ZNF430: variants seen among roughly 807,000 people sequenced by gnomAD.
The protein encoded by ZNF430 is zinc finger protein 430.
A neutral mutation model predicts 56.7 loss-of-function variants in ZNF430; 35 were observed. The ratio of observed to expected loss-of-function variants is 0.62; its 90% confidence interval spans 0.47 to 0.82. The LOEUF is 0.82. ZNF430 is among the 40% of genes least tolerant of loss of function. The pLI, the probability that ZNF430 is intolerant of heterozygous loss-of-function variation, is 0.00. For missense variants in ZNF430, 574 were observed against 661.0 expected, an observed-to-expected ratio of 0.87 and a Z score of 1.44; for synonymous variants, 212 against 224.3, an observed-to-expected ratio of 0.94 and a Z score of 0.49.
Position 21,056,957 on chromosome 19 carries a change from C to A in ZNF430, c.649C>A (p.Leu217Ile), listed in dbSNP as rs1214824233. The A allele has an allele frequency of 1.2e-6, 2 of 1,613,872 alleles. No individual in the cohort carries two copies. The highest frequency in any genetic ancestry group is 1.7e-6 in the Non-Finnish European group (2 of 1,179,874). The change falls in exon 5 of 5, where the codon CTT (leucine) becomes ATT (isoleucine). Residue 217 changes from leucine (L) to isoleucine (I), a missense_variant. By Grantham distance (5) the Leu-to-Ile change is conservative. Around this residue, in one of 3 missense-constraint regions of ZNF430, gnomAD observed 346 missense variants for 399.1 expected, o/e 0.87. Transcript: ENST00000261560. ...AAAATGTGACAAATCGTTTTGCATG[C>A]TTTTACACCTAACTCAACATAAAAG... ...CKKCDKSFCM[L>I]LHLTQHKRIH...
chr19:21,039,334 A>G (rs969404745), intron 4 of ZNF430, among the ~76,000 whole-genome samples: 1 of 145,162 alleles, frequency 6.9e-6, no homozygotes, highest in Non-Finnish European at 1.5e-5. Context: ...GACTCAAGCA[A>G]TTTTCTTGCC....
chr19:21,053,197 G>T (rs562554660), intron 4 of ZNF430, among the ~76,000 whole-genome samples: 1 of 151,960 alleles, frequency 6.6e-6, no homozygotes, highest in Non-Finnish European at 1.5e-5. Context: ...GGTGGAGGGG[G>T]TGTGGTTGCG....
intron 4 of ZNF430, among the ~76,000 whole-genome samples, chr19:21,052,925 A>G (rs957307002): frequency 6.6e-6 from 1 of 152,122 alleles, no homozygotes; most frequent in Non-Finnish European, 1.5e-5. Flanking sequence ...ACAAACAATT[A>G]TCTCTTAGTG....
chr19:21,034,305 G>GT (rs970607370), intron 4 of ZNF430, 121 bp downstream of exon 4: 41,117 of 610,842 alleles, frequency 0.067, no homozygotes, highest in East Asian at 0.088. Context: ...GGAAGCCTGA[G>GT]TTTTTTTTTT....
intron 4 of ZNF430, among the ~76,000 whole-genome samples, chr19:21,043,902 G>A (rs1302350889): frequency 6.6e-6 from 1 of 151,330 alleles, no homozygotes. Context: ...CTTGTTTACT[G>A]TTAATGTATT....
intron 2 of ZNF430, among the ~76,000 whole-genome samples, chr19:21,023,681 G>A (rs1030426979): frequency 7.8e-4 from 118 of 152,218 alleles, no homozygotes; most frequent in African/African-American, 2.8e-3. Context: ...AGAAAATGTG[G>A]TAGATAATTG....
rs193298483 is a variant in ZNF430, at chr19:21,030,219, A to G, written c.97-3237A>G. Among the ~76,000 whole-genome samples the G allele has an allele frequency of 8.5e-5, 13 of 152,310 alleles. 1 individual carries two copies. The highest frequency in any genetic ancestry group is 6.5e-4 in the Admixed American group (10 of 15,294). On this transcript the variant is annotated intron_variant, in intron 2 of 4. Coordinates refer to ENST00000261560, the MANE Select transcript of ZNF430 (RefSeq NM_025189.4). ...ATGTATACACAATAAAAATTTCTCT[A>G]AACTACATTAAACTTTTTCTATGTT...
At chr19:21,049,173 CAAAAAAAAAAA>C (rs746043747) in intron 4 of ZNF430, among the ~76,000 whole-genome samples, 7 of 65,270 alleles carry the variant, frequency 1.1e-4, no homozygotes, top group African/African-American at 4.7e-4. Context: ...GACTCCATCT[CAAAAAAAAAAA>C]AAAAAAAAAA....
At position 21,057,323 on chromosome 19, in the gene ZNF430, C is replaced by T. The variant is rs931202312; in HGVS notation, c.1015C>T (p.His339Tyr). The T allele has an allele frequency of 9.9e-6, 16 of 1,613,338 alleles. No individual in the cohort carries two copies. The highest frequency in any genetic ancestry group is 1.4e-5 in the Non-Finnish European group (16 of 1,179,978). Residue 339 changes from histidine to tyrosine, a missense_variant, in exon 5 of 5, where the codon CAT becomes TAT. By Grantham distance (83) the His-to-Tyr change is moderately conservative. Transcript: ENST00000261560. ...ACACCTTACTACACATAAGATTATT[C>T]ATACTGGAGAGAAACCCTACAAATG... ...SSHLTTHKIIHTGEKPYKCEE... is the reference protein window; with the variant it reads ...SSHLTTHKIIYTGEKPYKCEE...
chr19:21,055,441 T>C (rs1968357816), intron 4 of ZNF430, among the ~76,000 whole-genome samples: 1 of 150,100 alleles, frequency 6.7e-6, no homozygotes, highest in Non-Finnish European at 1.5e-5. Context: ...TTAGTTTTTT[T>C]TTTTGTTTGT....
rs1322632548 is a variant in ZNF430 at position 21,020,790 on chromosome 19, G to A, written c.-11G>A. ...ACAGCTAAGACGCCAGGAACCCCTG[G>A]AAGCCTAGAAATGGTGAGAGTGCCG... is the stretch of plus-strand genomic sequence containing the variant. On this transcript the variant is annotated 5_prime_UTR_variant, in exon 1 of 5. Coordinates refer to ENST00000261560, the MANE Select transcript of ZNF430 (RefSeq NM_025189.4). 1 of 1,613,906 alleles carries A rather than the reference G, an allele frequency of 6.2e-7. No individual in the cohort carries two copies. Among genetic ancestry groups the A allele is most frequent in the South Asian group, 1.1e-5 (1 of 91,080 alleles).
chr19:21,037,861 C>T (rs375383076), intron 4 of ZNF430, among the ~76,000 whole-genome samples: 24 of 152,044 alleles, frequency 1.6e-4, no homozygotes, highest in South Asian at 4.1e-4. Context: ...AATGCTTTTT[C>T]CATTTGTGTA....
chr19:21,056,763 T>G lies in ZNF430; in HGVS notation c.455T>G (p.Val152Gly). ...CAGTTAAGAACAGGCTGTAAAAGTG[T>G]GGATGAGTGTAATCTGCACAAAGAA... ...DLQLRTGCKS[V>G]DECNLHKECY... The change falls in exon 5 of 5, where the codon GTG becomes GGG. Residue 152 changes from valine (V) to glycine (G), a missense_variant. Val to Gly is a moderately radical substitution (Grantham distance 109). Coordinates refer to ENST00000261560, the MANE Select transcript of ZNF430 (RefSeq NM_025189.4). 4 of 1,613,868 alleles carry G rather than the reference T, an allele frequency of 2.5e-6. No homozygotes were observed. Among genetic ancestry groups the G allele is most frequent in the Non-Finnish European group, 3.4e-6 (4 of 1,179,904 alleles).
chr19:21,020,931 G>A, intron 1 of ZNF430, 128 bp downstream of exon 1: 1 of 1,349,406 alleles, frequency 7.4e-7, no homozygotes, highest in South Asian at 1.2e-5. Flanking sequence ...TTCTTGCCCA[G>A]CTGGGCCTCA....
chr19:21,042,761 C>T lies in ZNF430; in HGVS notation c.322+8577C>T, dbSNP rs1422323126. 2.6e-5 allele frequency among the ~76,000 whole-genome samples: 4 copies of T among 151,424 alleles called. No homozygotes were observed. In the East Asian group the frequency reaches 7.8e-4, roughly 29 times the overall value. On this transcript the variant is annotated intron_variant, in intron 4 of 4. Transcript: ENST00000261560. ...CGAGATCGCGCCACTGCACTCTAGCCTGGGCAAAGAGTGAGACTCCATCTA... is the reference window on the plus strand; with the variant it reads ...CGAGATCGCGCCACTGCACTCTAGCTTGGGCAAAGAGTGAGACTCCATCTA...
In ZNF430 at chr19:21,039,734, G is replaced by T. The variant is rs567177827; in HGVS notation, c.322+5550G>T. Among the ~76,000 whole-genome samples the T allele has an allele frequency of 9.2e-5, 14 of 152,114 alleles. No individual in the cohort carries two copies. The East Asian group carries it at 2.5e-3, about 27-fold the overall frequency. Reference sequence around the variant, plus strand: ...ACCCACCTTGGCCTCCCAAAGTGCTGGCATTACAGGTGTGAGCCACCGCAC... The same window carrying T: ...ACCCACCTTGGCCTCCCAAAGTGCTTGCATTACAGGTGTGAGCCACCGCAC... On this transcript the variant is annotated intron_variant, in intron 4 of 4. Transcript: ENST00000261560.
At position 21,056,628 on chromosome 19, in the gene ZNF430, C is replaced by T. The variant is rs1402411420; in HGVS notation, c.323-3C>T. On this transcript the variant is annotated splice_polypyrimidine_tract_variant and splice_region_variant and intron_variant, in intron 4 of 4. Coordinates refer to ENST00000261560, the MANE Select transcript of ZNF430 (RefSeq NM_025189.4). ...AGTAATTTGTTATTTTTATTTCTTT[C>T]AGTTACATATTCTCATTTTGCCCAA... The T allele has an allele frequency of 4.0e-6, 6 of 1,494,790 alleles. No individual in the cohort carries two copies. Among genetic ancestry groups the T allele is most frequent in the Middle Eastern group, 1.8e-4 (1 of 5,602 alleles). 92.6% of individuals were successfully genotyped at this position (1,494,790 alleles called of 1,614,324 possible).
intron 4 of ZNF430, among the ~76,000 whole-genome samples, chr19:21,046,554 C>T (rs1347000029): frequency 6.6e-6 from 1 of 151,998 alleles, no homozygotes; most frequent in South Asian, 2.1e-4. Flanking sequence ...ATTCCTTCAG[C>T]GTTTACTTGT....
Position 21,039,447 on chromosome 19 carries a change from C to CTATTTATTTATTTATTTATT in ZNF430, c.322+5277_322+5296dup, listed in dbSNP as rs71174789. ...ATTGGATTTAACAGTTTTACTTTTG[C>CTATTTATTTATTTATTTATT]TATTTATTTATTTATTTATTTATTT... On this transcript the variant is annotated intron_variant, in intron 4 of 4. Transcript: ENST00000261560. 3.6e-3 allele frequency among the ~76,000 whole-genome samples: 462 copies of CTATTTATTTATTTATTTATT among 129,060 alleles called. 2 individuals are homozygous for CTATTTATTTATTTATTTATT. The highest frequency in any genetic ancestry group is 3.8e-3 in the Non-Finnish European group (240 of 62,876). 84.7% of individuals were successfully genotyped at this position (129,060 alleles called of 152,430 possible).
Sources: gnomAD v4.1 joint callset for allele counts (sites outside exome capture counted in the v4.1 genomes callset) on GRCh38, gnomAD v4.1.1 for gene constraint, gnomAD v4.1.1 regional missense constraint, MANE v1.5 for transcripts, NCBI Gene and HGNC (gene_info 2026-07-23, HGNC 2026-07-21) for gene names.